The following IL1RAPL2 variants were observed in gnomAD, a reference collection of about 807,000 sequenced individuals.
IL1RAPL2 encodes X-linked interleukin-1 receptor accessory protein-like 2.
A neutral mutation model predicts 44.1 loss-of-function variants in IL1RAPL2; 3 were observed. That is an observed-to-expected ratio of 0.07 (90% CI 0.03 to 0.18). The LOEUF is 0.18. IL1RAPL2 is among the 10% of genes least tolerant of loss of function. The pLI, the probability that IL1RAPL2 is intolerant of heterozygous loss-of-function variation, is 1.00. For synonymous variants in IL1RAPL2, 181 were observed against 178.8 expected, an observed-to-expected ratio of 1.01 and a Z score of -0.10; for missense variants, 391 against 496.4, an observed-to-expected ratio of 0.79 and a Z score of 2.02.
intron 2 of IL1RAPL2, among the ~76,000 whole-genome samples, chrX:104,847,625 T>G (rs1045177829): frequency 1.8e-5 from 2 of 111,846 alleles, no homozygotes; most frequent in Non-Finnish European, 3.8e-5. Context: ...GTCAGGTAGC[T>G]TGACGCCTCC....
chrX:105,292,053 G>A (rs1410840092), intron 5 of IL1RAPL2, among the ~76,000 whole-genome samples: 1 of 110,840 alleles, frequency 9.0e-6, no homozygotes, highest in Non-Finnish European at 1.9e-5. Flanking sequence ...TGAATTCCCT[G>A]CATATACTGA....
intron 2 of IL1RAPL2, among the ~76,000 whole-genome samples, chrX:104,699,816 C>T: frequency 8.9e-6 from 1 of 112,096 alleles, no homozygotes; most frequent in African/African-American, 3.2e-5. Context: ...CCATCTGGCC[C>T]TTTATAGAAC....
chrX:105,632,681 T>A (rs1010184665), intron 6 of IL1RAPL2, among the ~76,000 whole-genome samples: 2 of 111,800 alleles, frequency 1.8e-5, no homozygotes, highest in African/African-American at 6.5e-5. Context: ...ATACTAGAGT[T>A]CTGATAGGCT....
At chrX:104,786,682 A>T (rs1352649206) in intron 2 of IL1RAPL2, among the ~76,000 whole-genome samples, 1 of 111,772 alleles carries the variant, frequency 8.9e-6, no homozygotes, top group Non-Finnish European at 1.9e-5. Flanking sequence ...TGTGACTGCC[A>T]CTATGCTAGG....
chrX:105,183,559 G>T (rs2033555570), intron 2 of IL1RAPL2, among the ~76,000 whole-genome samples: 1 of 111,680 alleles, frequency 9.0e-6, no homozygotes, highest in African/African-American at 3.3e-5. Flanking sequence ...CAAGTCACAT[G>T]CTAGTGTGCA....
At chrX:105,762,222 A>G (rs2038693585) in intron 10 of IL1RAPL2, among the ~76,000 whole-genome samples, 2 of 112,010 alleles carry the variant, frequency 1.8e-5, no homozygotes, top group Non-Finnish European at 3.8e-5. Context: ...CTCTAAATGC[A>G]CTAGAATTTT....
chrX:105,589,645 T>C (rs2037154445), intron 6 of IL1RAPL2, among the ~76,000 whole-genome samples: 1 of 111,141 alleles, frequency 9.0e-6, no homozygotes, highest in Non-Finnish European at 1.9e-5. Context: ...AGTTTTTCCC[T>C]ATTGCCTGTT....
intron 2 of IL1RAPL2, among the ~76,000 whole-genome samples, chrX:105,012,674 C>G (rs6621900): frequency 0.096 from 7,804 of 81,062 alleles, 661 homozygotes; most frequent in African/African-American, 0.29. Flanking sequence ...CACACACACA[C>G]AGAGAGAGAG....
intron 6 of IL1RAPL2, among the ~76,000 whole-genome samples, chrX:105,555,023 C>A (rs919193160): frequency 2.7e-5 from 3 of 109,697 alleles, no homozygotes; most frequent in Non-Finnish European, 5.7e-5. Context: ...CAAACATTTT[C>A]AAGCCTTGTG....
chrX:105,304,896 C>T (rs2034723068), intron 5 of IL1RAPL2, among the ~76,000 whole-genome samples: 1 of 111,588 alleles, frequency 9.0e-6, no homozygotes, highest in African/African-American at 3.3e-5. Context: ...AATTGGCTCA[C>T]GGTTCTGCTG....
At chrX:105,074,478 A>G (rs200343426) in intron 2 of IL1RAPL2, among the ~76,000 whole-genome samples, 12 of 110,749 alleles carry the variant, frequency 1.1e-4, no homozygotes, top group Non-Finnish European at 1.5e-4. Flanking sequence ...GTAGCGTGAT[A>G]CCTCCGGCTT....
intron 2 of IL1RAPL2, among the ~76,000 whole-genome samples, chrX:105,097,708 G>GA (rs2032623194): frequency 9.0e-6 from 1 of 111,277 alleles, no homozygotes; most frequent in Non-Finnish European, 1.9e-5. Context: ...AACTGTAATT[G>GA]AAAAATATCC....
chrX:104,724,992 C>T (rs1187374052), intron 2 of IL1RAPL2, among the ~76,000 whole-genome samples: 4 of 111,325 alleles, frequency 3.6e-5, no homozygotes, highest in African/African-American at 9.8e-5. Flanking sequence ...CCCATCAACT[C>T]GTCAACTACA....
At chrX:104,902,016 T>C (rs974345703) in intron 2 of IL1RAPL2, among the ~76,000 whole-genome samples, 1 of 112,229 alleles carries the variant, frequency 8.9e-6, no homozygotes, top group African/African-American at 3.2e-5. Context: ...TGAATGCTAT[T>C]CCTTTTTATT....
At chrX:105,342,998 G>C (rs753498906) in intron 5 of IL1RAPL2, among the ~76,000 whole-genome samples, 1 of 110,706 alleles carries the variant, frequency 9.0e-6, no homozygotes, top group East Asian at 2.9e-4. Context: ...GACAGCAATT[G>C]GCTGCATTCT....
At chrX:105,540,081 C>T (rs2036708683) in intron 6 of IL1RAPL2, among the ~76,000 whole-genome samples, 2 of 111,404 alleles carry the variant, frequency 1.8e-5, no homozygotes, top group Admixed American at 1.9e-4. Context: ...TGCTTATATA[C>T]TGTTAGTTGG....
At chrX:104,605,709 G>T (rs953878799) in intron 1 of IL1RAPL2, among the ~76,000 whole-genome samples, 2 of 112,043 alleles carry the variant, frequency 1.8e-5, no homozygotes, top group Admixed American at 1.9e-4. Context: ...AAATAAAATA[G>T]AAAATCTAGA....
At chrX:104,586,162 T>C (rs1384674255) in intron 1 of IL1RAPL2, among the ~76,000 whole-genome samples, 4 of 111,909 alleles carry the variant, frequency 3.6e-5, no homozygotes, top group Non-Finnish European at 7.5e-5. Context: ...TGGTATCTCA[T>C]TGTGGGTTCT....
In IL1RAPL2 at chrX:104,633,968, C is replaced by G. The variant is rs1234373956; in HGVS notation, c.-19-24927C>G. 6.3e-5 allele frequency among the ~76,000 whole-genome samples: 7 copies of G among 111,044 alleles called. No homozygotes were observed. The East Asian group carries it at 1.1e-3, about 18-fold the overall frequency. On this transcript the variant is annotated intron_variant, in intron 1 of 10. Coordinates refer to ENST00000372582, the MANE Select transcript of IL1RAPL2 (RefSeq NM_017416.2). Reference sequence around the variant, plus strand: ...CAATTTTGGGTCTTTCCTGCTTTCTCTTTTGGGCATTTAGTGCTATAAATT... The same window carrying G: ...CAATTTTGGGTCTTTCCTGCTTTCTGTTTTGGGCATTTAGTGCTATAAATT...
Sources: allele counts gnomAD v4.1 joint callset (sites outside exome capture counted in the v4.1 genomes callset), GRCh38; gene constraint gnomAD v4.1.1; transcripts MANE v1.5; gene names NCBI Gene and HGNC (gene_info 2026-07-23, HGNC 2026-07-21).